Variants in TMEM132D observed in about 807,000 individuals in gnomAD.
TMEM132D encodes mature OL transmembrane protein.
Under a neutral mutation model 62.3 loss-of-function variants are expected in TMEM132D, and 21 were observed. That is an observed-to-expected ratio of 0.34 (90% CI 0.24 to 0.49). The LOEUF is 0.49. Among genes scored for constraint, TMEM132D ranks in the 20% least tolerant of loss-of-function variants. TMEM132D has a pLI of 0.99. For synonymous variants in TMEM132D, 621 were observed against 575.6 expected, an observed-to-expected ratio of 1.08 and a Z score of -1.13; for missense variants, 1,346 against 1,402.8, an observed-to-expected ratio of 0.96 and a Z score of 0.65.
intron 4 of TMEM132D, among the ~76,000 whole-genome samples, chr12:129,252,495 C>A (rs369587699): frequency 1.3e-5 from 2 of 152,172 alleles, no homozygotes; most frequent in African/African-American, 4.8e-5. Context: ...AGAATTGTCT[C>A]TCAGAAAGAT....
chr12:129,435,130 T>C (rs1474774166), intron 3 of TMEM132D, among the ~76,000 whole-genome samples: 1 of 152,232 alleles, frequency 6.6e-6, no homozygotes, highest in Non-Finnish European at 1.5e-5. Context: ...TTTTCCATGT[T>C]GCAAAAGATA....
chr12:129,725,304 T>C (rs1868990975), intron 1 of TMEM132D, among the ~76,000 whole-genome samples: 1 of 152,264 alleles, frequency 6.6e-6, no homozygotes, highest in South Asian at 2.1e-4. Flanking sequence ...TATTTCTATA[T>C]GCCTACAGAT....
intron 1 of TMEM132D, among the ~76,000 whole-genome samples, chr12:129,792,338 G>A (rs563801857): frequency 1.3e-5 from 2 of 152,018 alleles, no homozygotes; most frequent in African/African-American, 2.4e-5. Context: ...TCATCTCTAC[G>A]GGCCTTAGCT....
intron 4 of TMEM132D, among the ~76,000 whole-genome samples, chr12:129,222,068 G>T (rs1054054239): frequency 3.3e-5 from 5 of 152,028 alleles, no homozygotes; most frequent in African/African-American, 1.2e-4. Flanking sequence ...CGTGGCTGTG[G>T]TATGGTATGC....
At chr12:129,584,724 C>A (rs1644116279) in intron 2 of TMEM132D, among the ~76,000 whole-genome samples, 1 of 152,190 alleles carries the variant, frequency 6.6e-6, no homozygotes. Context: ...GGAAACACTG[C>A]ATTATTTGAA....
chr12:129,753,200 G>A (rs1213937563), intron 1 of TMEM132D, among the ~76,000 whole-genome samples: 1 of 152,190 alleles, frequency 6.6e-6, no homozygotes, highest in Non-Finnish European at 1.5e-5. Context: ...CAGCTATCCT[G>A]GGATTTAGGG....
At chr12:129,793,398 G>T (rs1162570464) in intron 1 of TMEM132D, among the ~76,000 whole-genome samples, 2 of 152,060 alleles carry the variant, frequency 1.3e-5, no homozygotes, top group African/African-American at 4.8e-5. Context: ...TTGAGACAGG[G>T]TCTCGCTCTG....
intron 5 of TMEM132D, among the ~76,000 whole-genome samples, chr12:129,118,246 T>A (rs779125573): frequency 2.0e-5 from 3 of 152,204 alleles, no homozygotes; most frequent in Non-Finnish European, 4.4e-5. Context: ...GTTAGATAAA[T>A]GGAAAATGGA....
chr12:129,487,034 G>C (rs112334338), intron 3 of TMEM132D, among the ~76,000 whole-genome samples: 43 of 56,538 alleles, frequency 7.6e-4, no homozygotes, highest in Middle Eastern at 0.015. Flanking sequence ...TTGCGTATGG[G>C]GGGGGGGGTT....
intron 2 of TMEM132D, among the ~76,000 whole-genome samples, chr12:129,597,892 G>A (rs111802191): frequency 5.6e-4 from 85 of 152,184 alleles, no homozygotes; most frequent in African/African-American, 1.7e-3. Context: ...CTTTATTGGC[G>A]GGGGGTGGAT....
intron 3 of TMEM132D, among the ~76,000 whole-genome samples, chr12:129,513,845 T>C (rs867720849): frequency 1.2e-3 from 169 of 137,080 alleles, no homozygotes; most frequent in African/African-American, 4.5e-3. Context: ...TATTTATTTA[T>C]TTATTTTTTT....
At chr12:129,584,739 C>T (rs1056415740) in intron 2 of TMEM132D, among the ~76,000 whole-genome samples, 2 of 152,200 alleles carry the variant, frequency 1.3e-5, no homozygotes, top group East Asian at 1.9e-4. Flanking sequence ...TTTGAAAGGA[C>T]ATTCTTAGTC....
intron 2 of TMEM132D, among the ~76,000 whole-genome samples, chr12:129,628,257 C>T (rs1375963991): frequency 6.6e-6 from 1 of 152,100 alleles, no homozygotes; most frequent in Admixed American, 6.5e-5. Context: ...TTTCAGAAAA[C>T]CTTGATTAGA....
chr12:129,582,005 A>G (rs756304100), intron 2 of TMEM132D, among the ~76,000 whole-genome samples: 2 of 152,210 alleles, frequency 1.3e-5, no homozygotes, highest in Non-Finnish European at 2.9e-5. Flanking sequence ...TAACACTGAG[A>G]GCATCAATGA....
chr12:129,823,894 A>T (rs1196034398), intron 1 of TMEM132D, among the ~76,000 whole-genome samples: 1 of 152,184 alleles, frequency 6.6e-6, no homozygotes, highest in Non-Finnish European at 1.5e-5. Flanking sequence ...ATTGGTTTTA[A>T]ATTGGGGGCC....
chr12:129,315,594 T>C (rs752568351), intron 4 of TMEM132D, among the ~76,000 whole-genome samples: 4 of 152,172 alleles, frequency 2.6e-5, no homozygotes, highest in Non-Finnish European at 5.9e-5. Flanking sequence ...AGGATATCAA[T>C]CTGTAGTTTT....
intron 2 of TMEM132D, among the ~76,000 whole-genome samples, chr12:129,657,401 G>C (rs1297382094): frequency 6.6e-6 from 1 of 151,920 alleles, no homozygotes; most frequent in Non-Finnish European, 1.5e-5. Flanking sequence ...ATAGGATGGG[G>C]CTGATCTCAC....
intron 5 of TMEM132D, among the ~76,000 whole-genome samples, chr12:129,171,991 ACTT>A (rs1877749441): frequency 6.6e-6 from 1 of 152,166 alleles, no homozygotes; most frequent in Non-Finnish European, 1.5e-5. Context: ...CCAGGCACTG[ACTT>A]CTTCTCTCCA....
At chr12:129,326,994 T>G (rs1868936210) in intron 4 of TMEM132D, among the ~76,000 whole-genome samples, 1 of 152,196 alleles carries the variant, frequency 6.6e-6, no homozygotes, top group African/African-American at 2.4e-5. Context: ...ATGAGACAGC[T>G]GTTAAGTGCA....
Sources: allele counts gnomAD v4.1 joint callset (sites outside exome capture counted in the v4.1 genomes callset), GRCh38; gene constraint gnomAD v4.1.1; transcripts MANE v1.5; gene names NCBI Gene and HGNC (gene_info 2026-07-23, HGNC 2026-07-21).